The following LYVE1 variants were observed in gnomAD, a reference collection of about 807,000 sequenced individuals.
The protein encoded by LYVE1 is lymphatic vessel endothelial hyaluronan receptor 1, also known as lymphatic vessel endothelial hyaluronic acid receptor 1.
In LYVE1, 29 loss-of-function variants were observed where a neutral mutation model predicts 31.5. That is an observed-to-expected ratio of 0.92 (90% CI 0.69 to 1.26). The LOEUF is 1.26. Ranked by LOEUF, LYVE1 falls within the 50% of genes most tolerant of loss-of-function variation. The pLI is 0.00. For missense variants in LYVE1, 376 were observed against 380.2 expected (o/e 0.99, Z 0.09); for synonymous variants, 134 against 139.4 (o/e 0.96, Z 0.27).
intron 1 of LYVE1, 41 bp from the exon 2 acceptor site, chr11:10,564,415 T>A: frequency 6.3e-7 from 1 of 1,586,338 alleles, no homozygotes. Flanking sequence ...GCTGCTGTCC[T>A]TGTTTCCAGC....
intron 5 of LYVE1, 23 bp downstream of exon 5, chr11:10,559,793 T>C: frequency 6.2e-7 from 1 of 1,605,350 alleles, no homozygotes; most frequent in Non-Finnish European, 8.5e-7. Flanking sequence ...ATTACAAGAC[T>C]AGCAGTGCAC....
Position 10,564,204 on chromosome 11 carries a change from T to G in LYVE1, c.256A>C (p.Ser86Arg). 1 of 1,613,926 alleles carries G rather than the reference T, an allele frequency of 6.2e-7. No individual in the cohort carries two copies. The highest frequency in any genetic ancestry group is 8.5e-7 in the Non-Finnish European group (1 of 1,179,782). ...ACAGTGAAACCAGCTTTTTCTCACC[T>G]GCAAGTTTCAAAGCTAGCTTTCAAG... ...TALKASFETC[S>R]YGWVGDGFVV... is the part of the protein sequence containing the mutation. Residue 86 changes from serine to arginine, a missense_variant and splice_region_variant, in exon 2 of 6, where the codon AGC (serine) becomes CGC (arginine). Physicochemically the swap from Ser to Arg is moderately radical, Grantham distance 110 (BLOSUM62 -1). Coordinates refer to ENST00000256178, the MANE Select transcript of LYVE1 (RefSeq NM_006691.4).
At chr11:10,565,138 G>A (rs1297506093) in intron 1 of LYVE1, among the ~76,000 whole-genome samples, 2 of 152,200 alleles carry the variant, frequency 1.3e-5, no homozygotes. Flanking sequence ...AGTTAAGTGA[G>A]TAAATTCTAA....
At chr11:10,564,491 C>T (rs535672475) in intron 1 of LYVE1, 117 bp from the exon 2 acceptor site, 2 of 909,864 alleles carry the variant, frequency 2.2e-6, no homozygotes, top group East Asian at 2.6e-5. Flanking sequence ...CTGGCTGGGA[C>T]TGGGGTTTAG....
At chr11:10,559,368 G>A in intron 5 of LYVE1, 71 bp from the exon 6 acceptor site, 1 of 1,192,292 alleles carries the variant, frequency 8.4e-7, no homozygotes, top group Non-Finnish European at 1.2e-6. Context: ...TTTTGGCCAT[G>A]GTACATATTG....
intron 3 of LYVE1, 124 bp downstream of exon 3, chr11:10,563,816 G>A: frequency 8.0e-7 from 1 of 1,243,014 alleles, no homozygotes; most frequent in Non-Finnish European, 1.2e-6. Context: ...GACAGTGTCG[G>A]GAGAATTAGA....
chr11:10,560,545 G>C lies in LYVE1; in HGVS notation c.653C>G (p.Pro218Arg). Residue 218 changes from proline (P) to arginine (R), a missense_variant, in exon 4 of 6, where the codon CCA becomes CGA. Transcript: ENST00000256178. ...ETSTMSTETE[P>R]FVENKAAFKN... ...GAATGCTGCTTTATTTTCAACAAAT[G>C]GTTCAGTTTCTGTAGACATGGTGCT... is the stretch of plus-strand genomic sequence containing the variant. 1 of 1,613,382 alleles carries C rather than the reference G, an allele frequency of 6.2e-7. No homozygotes were observed. Among genetic ancestry groups the C allele is most frequent in the Non-Finnish European group, 8.5e-7 (1 of 1,179,636 alleles).
chr11:10,564,192 C>G lies in LYVE1; in HGVS notation c.257+11G>C. The stretch of plus-strand genomic sequence containing the variant: ...ACTCCAGCAGTGACAGTGAAACCAG[C>G]TTTTTCTCACCTGCAAGTTTCAAAG... On this transcript the variant is annotated intron_variant, in intron 2 of 5. Transcript: ENST00000256178. 1.2e-6 allele frequency: 2 copies of G among 1,613,796 alleles called. No homozygotes were observed. The highest frequency in any genetic ancestry group is 1.7e-6 in the Non-Finnish European group (2 of 1,179,726).
chr11:10,559,814 A>G lies in LYVE1; in HGVS notation c.782+2T>C. The G allele has an allele frequency of 6.2e-7, 1 of 1,613,748 alleles. No homozygotes were observed. The highest frequency in any genetic ancestry group is 8.5e-7 in the Non-Finnish European group (1 of 1,179,692). On this transcript the variant is annotated splice_donor_variant, in intron 5 of 5. Transcript: ENST00000256178. LOFTEE classifies it high-confidence loss of function. The stretch of plus-strand genomic sequence containing the variant: ...AGACTAGCAGTGCACCAACAACCCT[A>G]CCTTTTGACATAGCAAAATCCAAGA...
intron 3 of LYVE1, among the ~76,000 whole-genome samples, chr11:10,563,091 C>CTA (rs1289187701): frequency 6.6e-6 from 1 of 151,582 alleles, no homozygotes; most frequent in Non-Finnish European, 1.5e-5. Context: ...GTAGCTGGGA[C>CTA]TACAGGTGCC....
At chr11:10,559,957 G>A in intron 4 of LYVE1, 63 bp from the exon 5 acceptor site, 1 of 1,187,842 alleles carries the variant, frequency 8.4e-7, no homozygotes, top group East Asian at 2.3e-5. Context: ...AATGCTCATT[G>A]CATGATCCAG....
rs756309261 is a variant in LYVE1, at chr11:10,560,632, G to A, written c.566C>T (p.Ala189Val). 8 of 1,614,194 alleles carry A rather than the reference G, an allele frequency of 5.0e-6. No individual in the cohort carries two copies. Among genetic ancestry groups the A allele is most frequent in the East Asian group, 2.2e-5 (1 of 44,884 alleles). Residue 189 changes from alanine to valine, a missense_variant, in exon 4 of 6, where the codon GCT becomes GTT. Ala to Val is a moderately conservative substitution (Grantham distance 64). Transcript: ENST00000256178. ...PAPTTTPPAP[A>V]STSIPRRKKL... ...TTTTCTCCGTGGAATAGAAGTGGAA[G>A]CTGGAGCAGGAGGAGTAGTAGTAGG... is the stretch of plus-strand genomic sequence containing the variant.
Position 10,565,985 on chromosome 11 carries a change from C to T in LYVE1, c.86-1611G>A, listed in dbSNP as rs143610850. Among the ~76,000 whole-genome samples the T allele has an allele frequency of 8.1e-3, 1,231 of 152,156 alleles. 17 individuals are homozygous for T. Among genetic ancestry groups the T allele is most frequent in the African/African-American group, 0.028 (1,178 of 41,526 alleles). On this transcript the variant is annotated intron_variant, in intron 1 of 5. Transcript: ENST00000256178. ...GCCACCAAACCTGGCTAATTTTGTA[C>T]TTTTAGTAGAGACAGGGTTTCTCCA...
In LYVE1 at chr11:10,568,549, G is replaced by C. The variant is rs1428243947; in HGVS notation, c.-17C>G. On this transcript the variant is annotated 5_prime_UTR_variant, in exon 1 of 6. Coordinates refer to ENST00000256178, the MANE Select transcript of LYVE1 (RefSeq NM_006691.4). Reference sequence around the variant, plus strand: ...CCTGGCCATCGTGCCTACCCCTTCAGAGCCAGGGAAACACCTCAGATGGCC... The same window carrying C: ...CCTGGCCATCGTGCCTACCCCTTCACAGCCAGGGAAACACCTCAGATGGCC... 6.2e-7 allele frequency: 1 copy of C among 1,610,932 alleles called. No individual in the cohort carries two copies. The highest frequency in any genetic ancestry group is 8.5e-7 in the Non-Finnish European group (1 of 1,178,512).
chr11:10,566,643 C>G (rs1419259709), intron 1 of LYVE1, among the ~76,000 whole-genome samples: 3 of 152,108 alleles, frequency 2.0e-5, no homozygotes, highest in Non-Finnish European at 4.4e-5. Flanking sequence ...TTACTACCCT[C>G]TCATCATATG....
chr11:10,564,118 T>G (rs1362302084), intron 2 of LYVE1, 39 bp from the exon 3 acceptor site: 3 of 1,614,008 alleles, frequency 1.9e-6, no homozygotes, highest in Non-Finnish European at 2.5e-6. Context: ...GAAAAATGAT[T>G]AGAAGGCTTC....
At chr11:10,561,614 G>A (rs1291435539) in intron 3 of LYVE1, among the ~76,000 whole-genome samples, 1 of 152,190 alleles carries the variant, frequency 6.6e-6, no homozygotes, top group Non-Finnish European at 1.5e-5. Context: ...GTTGACCATG[G>A]CAGTAAGTGT....
chr11:10,565,694 C>A (rs1850522734), intron 1 of LYVE1, among the ~76,000 whole-genome samples: 1 of 152,202 alleles, frequency 6.6e-6, no homozygotes, highest in Non-Finnish European at 1.5e-5. Context: ...AGAGATGGAT[C>A]TTGCTATGTT....
chr11:10,562,812 C>T (rs758078763), intron 3 of LYVE1, among the ~76,000 whole-genome samples: 2 of 152,098 alleles, frequency 1.3e-5, no homozygotes, highest in Non-Finnish European at 2.9e-5. Flanking sequence ...AAAGTGGAGA[C>T]TGGGTCTGGT....
Sources: gnomAD v4.1 joint callset for allele counts (sites outside exome capture counted in the v4.1 genomes callset) on GRCh38, gnomAD v4.1.1 for gene constraint, MANE v1.5 for transcripts, NCBI Gene and HGNC (gene_info 2026-07-23, HGNC 2026-07-21) for gene names.